ZFP90: variants seen among roughly 807,000 people sequenced by gnomAD.
ZFP90 encodes ZFP90 zinc finger protein, also known as zinc finger protein 90 homolog.
ZFP90 carries 38 observed loss-of-function variants against 60.8 expected under a neutral mutation model. The ratio of observed to expected loss-of-function variants is 0.62; its 90% CI spans 0.48 to 0.82. The LOEUF (loss-of-function observed/expected upper bound fraction) is 0.82. Among genes scored for constraint, ZFP90 ranks in the 40% least tolerant of loss-of-function variants. ZFP90 has a pLI of 0.00. For synonymous variants in ZFP90, 287 were observed against 264.8 expected (o/e 1.08, Z -0.82); for missense variants, 711 against 759.1 (o/e 0.94, Z 0.74).
At chr16:68,548,405 GT>G (rs2091191788) in intron 2 of ZFP90, among the ~76,000 whole-genome samples, 1 of 140,292 alleles carries the variant, frequency 7.1e-6, no homozygotes, top group Non-Finnish European at 1.5e-5. Context: ...GAATTTAAAA[GT>G]TTTTTGTTAA....
At chr16:68,544,384 C>T (rs2091107563) in intron 2 of ZFP90, among the ~76,000 whole-genome samples, 1 of 152,028 alleles carries the variant, frequency 6.6e-6, no homozygotes, top group African/African-American at 2.4e-5. Context: ...TGCACTCCAG[C>T]CTGGGCAGCA....
At chr16:68,568,051 G>A (rs569185864), downstream of ZFP90, among the ~76,000 whole-genome samples, 3 of 152,190 alleles carry the variant, frequency 2.0e-5, no homozygotes, top group African/African-American at 7.2e-5. Context: ...AATTACATTG[G>A]TCTCCCTTTT....
chr16:68,570,609 AC>A (rs1555500779), downstream of ZFP90, among the ~76,000 whole-genome samples: 1 of 152,220 alleles, frequency 6.6e-6, no homozygotes, highest in Non-Finnish European at 1.5e-5. Flanking sequence ...GGAGGGTCTT[AC>A]GCTAATGAGC....
chr16:68,553,741 T>G (rs978135466), intron 2 of ZFP90, among the ~76,000 whole-genome samples: 2 of 151,984 alleles, frequency 1.3e-5, no homozygotes, highest in African/African-American at 4.8e-5. Context: ...GCCTCAGCCC[T>G]CCAAGTAGCT....
chr16:68,537,658 C>T (rs2090971457), upstream of ZFP90, among the ~76,000 whole-genome samples: 1 of 152,022 alleles, frequency 6.6e-6, no homozygotes, highest in South Asian at 2.1e-4. Context: ...CTCTGCTTCC[C>T]GGGTTCAAAC....
chr16:68,549,321 T>C (rs896748887), intron 2 of ZFP90, among the ~76,000 whole-genome samples: 2 of 152,204 alleles, frequency 1.3e-5, no homozygotes, highest in Admixed American at 6.5e-5. Flanking sequence ...TTAGAAAAGC[T>C]GCCCAGGTGA....
rs759687347 is a variant in ZFP90 at position 68,564,093 on chromosome 16, T to C, written c.1306T>C (p.Ser436Pro). The part of the protein sequence containing the change: ...NYSIDFKHST[S>P]LTQDESTLTE... ...CAGCATAGATTTCAAGCACAGCACA[T>C]CTCTCACTCAAGATGAAAGCACTCT... Residue 436 changes from serine (S) to proline (P), a missense_variant, in exon 5 of 5, where the codon TCT becomes CCT. Ser to Pro is a moderately conservative substitution (Grantham distance 74, BLOSUM62 -1). Coordinates refer to ENST00000563169, the MANE Select transcript of ZFP90 (RefSeq NM_001305203.2). The C allele has an allele frequency of 6.2e-7, 1 of 1,614,128 alleles. No homozygotes were observed. The highest frequency in any genetic ancestry group is 1.1e-5 in the South Asian group (1 of 91,080).
At chr16:68,550,511 A>G (rs2091242208) in intron 2 of ZFP90, among the ~76,000 whole-genome samples, 1 of 152,182 alleles carries the variant, frequency 6.6e-6, no homozygotes, top group Non-Finnish European at 1.5e-5. Flanking sequence ...TCAGCCTCCC[A>G]AAGTGCTGGG....
chr16:68,555,760 G>A (rs2091333227), intron 2 of ZFP90, among the ~76,000 whole-genome samples: 1 of 152,170 alleles, frequency 6.6e-6, no homozygotes, highest in African/African-American at 2.4e-5. Flanking sequence ...CTTCACTGGA[G>A]ATCTGCTAAC....
At position 68,564,897 on chromosome 16, in the gene ZFP90, A is replaced by G; in HGVS notation, c.*199A>G. ...CAGATCTGATTACAGACTAGTGTAA[A>G]AACAGCTACATGTATGTAGCTGGTT... On this transcript the variant is annotated 3_prime_UTR_variant, in exon 5 of 5. Coordinates refer to ENST00000563169, the MANE Select transcript of ZFP90 (RefSeq NM_001305203.2). The G allele has an allele frequency of 7.4e-7, 1 of 1,346,016 alleles. No homozygotes were observed. The highest frequency in any genetic ancestry group is 9.5e-7 in the Non-Finnish European group (1 of 1,054,410). The allele number at this position is 1,346,016 out of a possible 1,614,324, so 83.4% of individuals were successfully genotyped here. A position where few individuals can be genotyped will look rare whatever the true frequency, so the allele number is the denominator to read the frequency against.
chr16:68,557,963 T>C (rs759173387), intron 2 of ZFP90, 35 bp from the exon 3 acceptor site: 54 of 1,612,188 alleles, frequency 3.3e-5, no homozygotes, highest in Non-Finnish European at 2.1e-5. Context: ...ATTTGTGGGG[T>C]TGATCCCCAG....
In ZFP90 at chr16:68,566,117, A is replaced by G. The variant is rs1795982487; in HGVS notation, c.*1419A>G. On this transcript the variant is annotated 3_prime_UTR_variant, in exon 5 of 5. Coordinates refer to ENST00000563169, the MANE Select transcript of ZFP90 (RefSeq NM_001305203.2). ...TACTGCATTCCAGCCTGAGCAACAG[A>G]GCAAGACACACACACATCAATTTAT... The G allele has an allele frequency of 3.3e-5, 30 of 907,054 alleles. No homozygotes were observed. The highest frequency in any genetic ancestry group is 3.5e-5 in the Non-Finnish European group (28 of 795,640). The allele number at this position is 907,054 out of a possible 1,614,324, so 56.2% of individuals were successfully genotyped here.
chr16:68,554,070 CAGAAAT>C (rs985740156), intron 2 of ZFP90, among the ~76,000 whole-genome samples: 1 of 150,208 alleles, frequency 6.7e-6, no homozygotes, highest in African/African-American at 2.4e-5. Context: ...GTGAGGGTGA[CAGAAAT>C]AGGGAAAAGT....
rs2152076531 is a variant in ZFP90 at position 68,566,164 on chromosome 16, T to C, written c.*1466T>C. On this transcript the variant is annotated 3_prime_UTR_variant, in exon 5 of 5. Coordinates refer to ENST00000563169, the MANE Select transcript of ZFP90 (RefSeq NM_001305203.2). ...TTATTTTAGTTGTATAATGCTTTTC[T>C]ATTAGTAAAGCATCAGCTAAGCTTC... 1 of 985,532 alleles carries C rather than the reference T, an allele frequency of 1.0e-6. No individual in the cohort carries two copies. Among genetic ancestry groups the C allele is most frequent in the Non-Finnish European group, 1.2e-6 (1 of 829,944 alleles). 61.0% of individuals were successfully genotyped at this position (985,532 alleles called of 1,614,324 possible).
At position 68,539,424 on chromosome 16, in the gene ZFP90, C is replaced by G; in HGVS notation, c.-91C>G. On this transcript the variant is annotated 5_prime_UTR_variant, in exon 1 of 5. Coordinates refer to ENST00000563169, the MANE Select transcript of ZFP90 (RefSeq NM_001305203.2). The stretch of plus-strand genomic sequence containing the variant: ...CGGGGGCGGGAGGAGCTGCCCGAGG[C>G]TCTGGGTGGGCCGGAGGTCGCGAAA... 3.0e-6 allele frequency: 1 copy of G among 331,770 alleles called. No homozygotes were observed. Among genetic ancestry groups the G allele is most frequent in the East Asian group, 4.8e-5 (1 of 20,628 alleles). The allele number at this position is 331,770 out of a possible 1,614,324, so 20.6% of individuals were successfully genotyped here.
chr16:68,563,019 C>T (rs771356063), intron 4 of ZFP90, 25 bp from the exon 5 acceptor site: 7 of 1,613,266 alleles, frequency 4.3e-6, no homozygotes, highest in East Asian at 2.2e-5. Context: ...GAATAGGGGA[C>T]TTTTGTACTT....
chr16:68,550,929 G>A (rs2091248833), intron 2 of ZFP90, among the ~76,000 whole-genome samples: 1 of 152,218 alleles, frequency 6.6e-6, no homozygotes, highest in Non-Finnish European at 1.5e-5. Context: ...CTTCAATACT[G>A]CAGATGGTGA....
At chr16:68,545,684 C>T (rs1221155478) in intron 2 of ZFP90, among the ~76,000 whole-genome samples, 1 of 151,870 alleles carries the variant, frequency 6.6e-6, no homozygotes, top group Non-Finnish European at 1.5e-5. Context: ...GCATGGTGGC[C>T]GGTGCCTGTA....
At chr16:68,546,207 C>T (rs907479248) in intron 2 of ZFP90, among the ~76,000 whole-genome samples, 27 of 152,126 alleles carry the variant, frequency 1.8e-4, no homozygotes, top group African/African-American at 6.3e-4. Context: ...AGTATGTGAG[C>T]ATATATAATA....
Sources: gnomAD v4.1 joint callset for allele counts (sites outside exome capture counted in the v4.1 genomes callset) on GRCh38, gnomAD v4.1.1 for gene constraint, MANE v1.5 for transcripts, NCBI Gene and HGNC (gene_info 2026-07-23, HGNC 2026-07-21) for gene names.